The following MYO5C variants were observed in gnomAD, a reference collection of about 807,000 sequenced individuals.
MYO5C encodes the protein myosin VC.
A neutral mutation model predicts 235.7 loss-of-function variants in MYO5C; 194 were observed. That is an observed-to-expected ratio of 0.82 (90% CI 0.73 to 0.93). MYO5C has a LOEUF of 0.93. Ranked by LOEUF, MYO5C falls within the 40% of genes least tolerant of loss-of-function variation. MYO5C has a pLI of 0.00. For synonymous variants in MYO5C, 707 were observed against 754.8 expected (o/e 0.94, Z 1.04); for missense variants, 2,038 against 2,127.2 (o/e 0.96, Z 0.82).
At chr15:52,221,390 T>TTA (rs1431037828) in intron 29 of MYO5C, 135 bp from the exon 30 acceptor site, 14 of 602,836 alleles carry the variant, frequency 2.3e-5, no homozygotes, top group Non-Finnish European at 3.1e-5. Context: ...AGCCACGACA[T>TTA]TAGACTGGAT....
chr15:52,245,885 C>T (rs962438368), intron 17 of MYO5C, 71 bp downstream of exon 17: 24 of 1,377,472 alleles, frequency 1.7e-5, no homozygotes, highest in Non-Finnish European at 2.2e-5. Context: ...TCATGGCAGC[C>T]ATGTCCTTGG....
At chr15:52,208,493 T>TCAATAGAGCCTCTATCCTCTCCAC in intron 36 of MYO5C, 61 bp downstream of exon 36, 1 of 1,496,128 alleles carries the variant, frequency 6.7e-7, no homozygotes, top group South Asian at 1.1e-5. Context: ...GAGCTCTGGC[T>TCAATAGAGCCTCTATCCTCTCCAC]CAGGAGGAGG....
rs1156614177 is a variant in MYO5C, at chr15:52,229,163, C to T, written c.3177G>A (p.Ala1059=). ...CCTGCTTGCTCAGGCGGGCCACTTC[C>T]GCCTTCAAGCCATCAGAAGTGACGT... ...GEHVTSDGLK[A]EVARLSKQVK... Residue 1059 remains alanine (A), a synonymous_variant, in exon 25 of 41, where the codon GCG becomes GCA. Coordinates refer to ENST00000261839, the MANE Select transcript of MYO5C (RefSeq NM_018728.4). 5.6e-6 allele frequency: 9 copies of T among 1,614,214 alleles called. No homozygotes were observed. Among genetic ancestry groups the T allele is most frequent in the East Asian group, 2.2e-5 (1 of 44,886 alleles).
chr15:52,240,203 C>CTTTTCTTTTTCT (rs771494587), intron 20 of MYO5C, among the ~76,000 whole-genome samples: 1 of 152,182 alleles, frequency 6.6e-6, no homozygotes, highest in Non-Finnish European at 1.5e-5. Flanking sequence ...TTCTTTTTTT[C>CTTTTCTTTTTCT]TTTTCTTTTT....
rs1053678453 is a variant in MYO5C at position 52,192,925 on chromosome 15, C to T, written c.*977G>A. ...TTGAAGTTCTTTCAGAGAAGATAAA[C>T]GGCATGGCAATTAAGCTTTAATAAT... On this transcript the variant is annotated 3_prime_UTR_variant, in exon 41 of 41. Transcript: ENST00000261839. The T allele has an allele frequency of 2.6e-5, 4 of 152,022 alleles. No homozygotes were observed. The highest frequency in any genetic ancestry group is 6.6e-5 in the Admixed American group (1 of 15,264). The allele number at this position is 152,022 out of a possible 1,614,324, so 9.4% of individuals were successfully genotyped here.
Position 52,204,309 on chromosome 15 carries a change from C to T in MYO5C, c.4820+556G>A, listed in dbSNP as rs148414836. On this transcript the variant is annotated intron_variant, in intron 38 of 40. Transcript: ENST00000261839. Reference sequence around the variant, plus strand: ...AGGTCCTCACTCACTCCCCGCAATGCCTCTGACCGTTTCTCCTGCTTGGAA... The same window carrying T: ...AGGTCCTCACTCACTCCCCGCAATGTCTCTGACCGTTTCTCCTGCTTGGAA... Among the ~76,000 whole-genome samples, 605 of 151,898 alleles carry T rather than the reference C, an allele frequency of 4.0e-3. 3 individuals carry two copies. The highest frequency in any genetic ancestry group is 0.014 in the African/African-American group (588 of 41,384).
chr15:52,202,434 G>C (rs2035209934), intron 38 of MYO5C, among the ~76,000 whole-genome samples: 1 of 152,144 alleles, frequency 6.6e-6, no homozygotes. Flanking sequence ...AAAAGTACTG[G>C]GTACCTGGGG....
chr15:52,215,481 T>TA (rs1174082650), intron 32 of MYO5C, among the ~76,000 whole-genome samples: 1 of 152,234 alleles, frequency 6.6e-6, no homozygotes, highest in Admixed American at 6.5e-5. Flanking sequence ...TGCAGCTGTG[T>TA]GCCCTCTAGG....
At chr15:52,246,082 A>T in intron 16 of MYO5C, 40 bp from the exon 17 acceptor site, 1 of 1,519,036 alleles carries the variant, frequency 6.6e-7, no homozygotes, top group Non-Finnish European at 9.1e-7. Flanking sequence ...AGGCATCGTA[A>T]TTGCTCAACA....
chr15:52,261,140 G>T lies in MYO5C; in HGVS notation c.1048-13C>A. ...GACTGTCATCCTCCTTCAAAAACAA[G>T]CACAAGCCCCGTCAGGTGGCCCAGC... On this transcript the variant is annotated splice_polypyrimidine_tract_variant and intron_variant, in intron 9 of 40. Transcript: ENST00000261839. 1 of 1,611,898 alleles carries T rather than the reference G, an allele frequency of 6.2e-7. No individual in the cohort carries two copies. Among genetic ancestry groups the T allele is most frequent in the Admixed American group, 1.7e-5 (1 of 59,962 alleles).
chr15:52,200,541 G>A (rs2035163752), intron 38 of MYO5C, among the ~76,000 whole-genome samples: 1 of 149,256 alleles, frequency 6.7e-6, no homozygotes. Context: ...CTCAAGCTTG[G>A]GTAACTAAAT....
chr15:52,227,218 G>A (rs1281886655), intron 25 of MYO5C, among the ~76,000 whole-genome samples: 3 of 134,684 alleles, frequency 2.2e-5, no homozygotes, highest in Non-Finnish European at 3.1e-5. Flanking sequence ...TTGTTGAGAC[G>A]GAGTCTCACT....
intron 26 of MYO5C, 122 bp from the exon 27 acceptor site, chr15:52,225,260 C>T (rs568160238): frequency 1.7e-4 from 201 of 1,173,826 alleles, no homozygotes; most frequent in Non-Finnish European, 2.3e-4. Flanking sequence ...ACCAGCTATC[C>T]AATCAACCAA....
intron 5 of MYO5C, among the ~76,000 whole-genome samples, chr15:52,275,027 C>T (rs61058363): frequency 0.19 from 28,975 of 152,178 alleles, 4,465 homozygotes; most frequent in East Asian, 0.86. Flanking sequence ...CCCTGGGCAC[C>T]GTCACGGTTG....
intron 2 of MYO5C, 139 bp downstream of exon 2, chr15:52,282,643 C>T: frequency 1.5e-6 from 1 of 652,386 alleles, no homozygotes; most frequent in Non-Finnish European, 2.8e-6. Flanking sequence ...CACCAGGAGG[C>T]CATTTGGGAA....
At chr15:52,289,770 C>A (rs2037349986) in intron 1 of MYO5C, among the ~76,000 whole-genome samples, 1 of 152,236 alleles carries the variant, frequency 6.6e-6, no homozygotes, top group African/African-American at 2.4e-5. Context: ...TGAAAATCAA[C>A]CCCCACATGG....
chr15:52,275,910 A>G (rs183492327), intron 4 of MYO5C, among the ~76,000 whole-genome samples, 192 bp from the exon 5 acceptor site: 1 of 152,162 alleles, frequency 6.6e-6, no homozygotes, highest in Admixed American at 6.5e-5. Context: ...TTAAAAGTTC[A>G]CATCTTTCAT....
intron 38 of MYO5C, among the ~76,000 whole-genome samples, chr15:52,198,113 G>A (rs917144242): frequency 2.6e-5 from 4 of 151,826 alleles, no homozygotes; most frequent in South Asian, 2.1e-4. Context: ...CAGGCTGATC[G>A]CTTGAGGTCA....
At chr15:52,202,997 T>C (rs180772646) in intron 38 of MYO5C, among the ~76,000 whole-genome samples, 80 of 151,778 alleles carry the variant, frequency 5.3e-4, no homozygotes, top group Non-Finnish European at 9.9e-4. Flanking sequence ...CTTGGCTCAC[T>C]GCAACGTCTG....
Sources: allele counts gnomAD v4.1 joint callset (sites outside exome capture counted in the v4.1 genomes callset), GRCh38; gene constraint gnomAD v4.1.1; transcripts MANE v1.5; gene names NCBI Gene and HGNC (gene_info 2026-07-23, HGNC 2026-07-21).